The following DCC variants were observed in gnomAD, a reference collection of about 807,000 sequenced individuals.
DCC encodes the protein DCC netrin 1 receptor.
DCC carries 58 observed loss-of-function variants against 172.5 expected under a neutral mutation model. The ratio of observed to expected loss-of-function variants is 0.34; its 90% CI spans 0.27 to 0.42. DCC has a LOEUF of 0.42. DCC is among the 10% of genes least tolerant of loss of function. The pLI is 1.00. For missense variants in DCC, 1,740 were observed against 1,791.0 expected (o/e 0.97, Z 0.51); for synonymous variants, 709 against 644.5 (o/e 1.10, Z -1.52).
intron 22 of DCC, among the ~76,000 whole-genome samples, chr18:53,436,224 C>G (rs994280348): frequency 6.6e-6 from 1 of 152,064 alleles, no homozygotes; most frequent in African/African-American, 2.4e-5. Flanking sequence ...ATATTGTATC[C>G]TGCTACAACT....
At chr18:52,724,043 A>G (rs957470947) in intron 1 of DCC, among the ~76,000 whole-genome samples, 3 of 152,222 alleles carry the variant, frequency 2.0e-5, no homozygotes, top group Non-Finnish European at 4.4e-5. Flanking sequence ...AAGGGGCAAT[A>G]GTGAGTATTT....
intron 1 of DCC, among the ~76,000 whole-genome samples, chr18:52,344,905 C>A (rs756555686): frequency 6.6e-6 from 1 of 152,058 alleles, no homozygotes; most frequent in Non-Finnish European, 1.5e-5. Flanking sequence ...GGATTTCCAC[C>A]CCCTCATACC....
At chr18:52,561,162 T>C (rs1295953217) in intron 1 of DCC, among the ~76,000 whole-genome samples, 1 of 152,030 alleles carries the variant, frequency 6.6e-6, no homozygotes, top group Non-Finnish European at 1.5e-5. Context: ...AGGTATTATA[T>C]AGGAGTTTGG....
intron 1 of DCC, among the ~76,000 whole-genome samples, chr18:52,529,568 G>A (rs1007327855): frequency 6.6e-6 from 1 of 152,176 alleles, no homozygotes; most frequent in Non-Finnish European, 1.5e-5. Flanking sequence ...GGGATTACAG[G>A]CGTGAGCCAC....
intron 5 of DCC, among the ~76,000 whole-genome samples, chr18:52,941,519 C>A (rs4245252): frequency 0.24 from 36,242 of 149,406 alleles, 4,579 homozygotes; most frequent in Admixed American, 0.31. Context: ...TATATATACA[C>A]ACTTGTATGC....
At chr18:52,950,873 C>T (rs1478466606) in intron 5 of DCC, among the ~76,000 whole-genome samples, 2 of 128,146 alleles carry the variant, frequency 1.6e-5, no homozygotes, top group African/African-American at 2.9e-5. Context: ...TGCAGTGAGC[C>T]GAGATCAGAT....
chr18:52,557,637 A>G (rs770535405), intron 1 of DCC, among the ~76,000 whole-genome samples: 1 of 152,234 alleles, frequency 6.6e-6, no homozygotes, highest in Non-Finnish European at 1.5e-5. Flanking sequence ...GAATTCATTC[A>G]TTCCACAAAT....
chr18:53,292,331 A>G (rs1328341555), intron 12 of DCC, among the ~76,000 whole-genome samples: 1 of 152,182 alleles, frequency 6.6e-6, no homozygotes, highest in African/African-American at 2.4e-5. Context: ...TGTGGTAATC[A>G]GTGGAAAAAG....
intron 2 of DCC, among the ~76,000 whole-genome samples, chr18:52,905,143 G>A (rs763853153): frequency 6.3e-4 from 95 of 151,792 alleles, no homozygotes; most frequent in Non-Finnish European, 1.1e-3. Flanking sequence ...GCATGTATAT[G>A]CATGCTTATG....
chr18:52,916,706 G>C (rs2145471832), intron 3 of DCC, among the ~76,000 whole-genome samples: 1 of 152,214 alleles, frequency 6.6e-6, no homozygotes, highest in African/African-American at 2.4e-5. Flanking sequence ...TGCTTATTGA[G>C]TTTTGCTGAA....
chr18:52,915,455 ACACT>A (rs2040026810), intron 3 of DCC, among the ~76,000 whole-genome samples: 1 of 152,184 alleles, frequency 6.6e-6, no homozygotes, highest in Non-Finnish European at 1.5e-5. Context: ...TATGTCACAC[ACACT>A]CAATTAATTT....
chr18:52,789,820 G>T (rs941734251), intron 2 of DCC, among the ~76,000 whole-genome samples: 1 of 152,048 alleles, frequency 6.6e-6, no homozygotes, highest in Non-Finnish European at 1.5e-5. Flanking sequence ...GGAGGAGCCT[G>T]GTTTACAGTT....
chr18:53,207,790 G>C lies in DCC; in HGVS notation c.1834G>C (p.Asp612His). ...NRYGPGVSTD[D>H]ITVVTLSDVP... ...CTATGGTCCGGGCGTCTCTACTGAT[G>C]ATATAACAGTGGTTACACTTTCTGA... Residue 612 changes from aspartate to histidine, a missense_variant, in exon 11 of 29, where the codon GAT becomes CAT. Physicochemically the swap from Asp to His is moderately conservative, Grantham distance 81. Around this residue, in one of 2 missense-constraint regions of DCC, gnomAD observed 1,732 missense variants for 1,767.4 expected, o/e 0.98. Coordinates refer to ENST00000442544, the MANE Select transcript of DCC (RefSeq NM_005215.4). 2 of 1,612,704 alleles carry C rather than the reference G, an allele frequency of 1.2e-6. No homozygotes were observed. The highest frequency in any genetic ancestry group is 1.1e-5 in the South Asian group (1 of 91,054).
At chr18:53,075,622 G>A (rs370393301) in intron 7 of DCC, among the ~76,000 whole-genome samples, 1 of 150,298 alleles carries the variant, frequency 6.7e-6, no homozygotes, top group Non-Finnish European at 1.5e-5. Context: ...GAATCCAAAT[G>A]ATTTTGACTT....
rs1160762858 is a variant in DCC at position 53,467,947 on chromosome 18, G to T, written c.3673G>T (p.Ala1225Ser). Residue 1225 changes from alanine to serine, a missense_variant, in exon 25 of 29, where the codon GCT becomes TCT. Ala to Ser is a moderately conservative substitution (Grantham distance 99). Transcript: ENST00000442544. ...SSMSTLERSL[A>S]ARRAPRAKLM... ...TATGTCCACTCTGGAGAGGTCGCTG[G>T]CTGCACGCCGAGCCCCCCGGGCCAA... 4 of 1,613,416 alleles carry T rather than the reference G, an allele frequency of 2.5e-6. No homozygotes were observed. The highest frequency in any genetic ancestry group is 3.4e-6 in the Non-Finnish European group (4 of 1,179,498).
intron 5 of DCC, among the ~76,000 whole-genome samples, chr18:53,034,861 T>G (rs1455568803): frequency 6.6e-6 from 1 of 152,056 alleles, no homozygotes; most frequent in African/African-American, 2.4e-5. Context: ...GCTTGGACAT[T>G]TCAAACACAT....
chr18:52,925,047 C>T (rs2040180284), intron 4 of DCC, among the ~76,000 whole-genome samples, 187 bp from the exon 5 acceptor site: 2 of 151,786 alleles, frequency 1.3e-5, no homozygotes, highest in Non-Finnish European at 2.9e-5. Flanking sequence ...CACAATCTTC[C>T]AATGGGAGTA....
intron 5 of DCC, among the ~76,000 whole-genome samples, chr18:52,953,428 A>G (rs926343951): frequency 6.6e-6 from 1 of 152,076 alleles, no homozygotes; most frequent in Non-Finnish European, 1.5e-5. Flanking sequence ...CTCCCACAGG[A>G]TATATTGGGT....
intron 13 of DCC, among the ~76,000 whole-genome samples, chr18:53,310,539 A>T (rs2057253944): frequency 6.6e-6 from 1 of 152,160 alleles, no homozygotes; most frequent in Non-Finnish European, 1.5e-5. Context: ...CAGAGTTATA[A>T]CAAGAATTGA....
Sources: gnomAD v4.1 joint callset for allele counts (sites outside exome capture counted in the v4.1 genomes callset) on GRCh38, gnomAD v4.1.1 for gene constraint, gnomAD v4.1.1 regional missense constraint, MANE v1.5 for transcripts, NCBI Gene and HGNC (gene_info 2026-07-23, HGNC 2026-07-21) for gene names.